CCDC63: variants seen among roughly 807,000 people sequenced by gnomAD.
CCDC63 encodes the protein coiled-coil domain containing 63.
Under a neutral mutation model 63.6 loss-of-function variants are expected in CCDC63, and 54 were observed. The observed-to-expected ratio is 0.85, with a 90% CI of 0.68 to 1.07. The LOEUF (loss-of-function observed/expected upper bound fraction) is 1.07, where lower values mean the gene tolerates loss of function less well. Among genes scored for constraint, CCDC63 ranks in the 50% least tolerant of loss-of-function variants. The probability of loss-of-function intolerance (pLI) is 0.00; values close to 1 mark genes in which losing one functional copy is unlikely to be tolerated. For synonymous variants in CCDC63, 253 were observed against 266.1 expected (o/e 0.95, Z 0.48); for missense variants, 637 against 689.6 (o/e 0.92, Z 0.86).
At chr12:110,893,354 T>A (rs989659811) in intron 9 of CCDC63, among the ~76,000 whole-genome samples, 1 of 152,158 alleles carries the variant, frequency 6.6e-6, no homozygotes, top group African/African-American at 2.4e-5. Flanking sequence ...TGCTACAATG[T>A]CATTGTGGAA....
At chr12:110,872,517 G>A (rs1257674710) in intron 4 of CCDC63, among the ~76,000 whole-genome samples, 1 of 152,174 alleles carries the variant, frequency 6.6e-6, no homozygotes, top group Non-Finnish European at 1.5e-5. Flanking sequence ...CAAACAAATC[G>A]AAGAATAATC....
intron 10 of CCDC63, among the ~76,000 whole-genome samples, chr12:110,900,693 T>TG (rs1282295353): frequency 6.6e-6 from 1 of 151,628 alleles, no homozygotes; most frequent in Non-Finnish European, 1.5e-5. Context: ...TCTGACTCCC[T>TG]GGTTCAAGTG....
At chr12:110,858,501 C>G in intron 3 of CCDC63, 85 bp from the exon 4 acceptor site, 3 of 1,230,634 alleles carry the variant, frequency 2.4e-6, no homozygotes, top group Non-Finnish European at 3.4e-6. Context: ...CTCTCCCGGT[C>G]TCCTTGCAGG....
intron 8 of CCDC63, among the ~76,000 whole-genome samples, chr12:110,888,758 C>T (rs1296866203): frequency 6.6e-6 from 1 of 152,018 alleles, no homozygotes; most frequent in Non-Finnish European, 1.5e-5. Context: ...TATTTCCTTC[C>T]AACTTCCAAC....
At chr12:110,859,067 AT>A (rs2070817237) in intron 4 of CCDC63, among the ~76,000 whole-genome samples, 1 of 152,104 alleles carries the variant, frequency 6.6e-6, no homozygotes, top group African/African-American at 2.4e-5. Context: ...AGGCTTGGTT[AT>A]GCTGCAGGAA....
intron 4 of CCDC63, among the ~76,000 whole-genome samples, chr12:110,859,705 A>G (rs1460248754): frequency 6.6e-6 from 1 of 152,084 alleles, no homozygotes; most frequent in Non-Finnish European, 1.5e-5. Flanking sequence ...AAGAGAAAAT[A>G]GTCATGTACG....
chr12:110,895,382 T>G (rs867222010), intron 9 of CCDC63, among the ~76,000 whole-genome samples: 29 of 152,384 alleles, frequency 1.9e-4, no homozygotes, highest in African/African-American at 5.8e-4. Context: ...CCCAAAGTGC[T>G]GGGATTATAG....
At chr12:110,848,182 T>G (rs2070663595) in intron 1 of CCDC63, among the ~76,000 whole-genome samples, 1 of 152,174 alleles carries the variant, frequency 6.6e-6, no homozygotes, top group African/African-American at 2.4e-5. Flanking sequence ...GCTTAGCCAA[T>G]AGGGAGGAGT....
intron 4 of CCDC63, among the ~76,000 whole-genome samples, chr12:110,868,740 GGAGAGGGGGAGGGGA>G (rs1455695376): frequency 3.7e-4 from 42 of 113,658 alleles, no homozygotes; most frequent in South Asian, 2.4e-3. Flanking sequence ...GGAGGGAGAG[GGAGAGGGGGAGGGGA>G]AGGGGGAGGG....
At position 110,885,611 on chromosome 12, in the gene CCDC63, C is replaced by G. The variant is rs2071269517; in HGVS notation, c.1074+1361C>G. 2.0e-5 allele frequency among the ~76,000 whole-genome samples: 3 copies of G among 152,180 alleles called. No individual in the cohort carries two copies. The South Asian group carries it at 6.2e-4, about 32-fold the overall frequency. Reference sequence around the variant, plus strand: ...ATGCATTTCCCTCCGCCACTGCCTTCCCGTGCTATTCCCTCTCCCTCCCCT... The same window carrying G: ...ATGCATTTCCCTCCGCCACTGCCTTGCCGTGCTATTCCCTCTCCCTCCCCT... On this transcript the variant is annotated intron_variant, in intron 8 of 11. Coordinates refer to ENST00000308208, the MANE Select transcript of CCDC63 (RefSeq NM_152591.3).
intron 1 of CCDC63, among the ~76,000 whole-genome samples, chr12:110,852,349 T>C (rs2070714829): frequency 6.6e-6 from 1 of 152,096 alleles, no homozygotes; most frequent in African/African-American, 2.4e-5. Context: ...AATCTTTGCC[T>C]CCAGGGTTCA....
chr12:110,893,212 G>C lies in CCDC63; in HGVS notation c.1149+62G>C. The C allele has an allele frequency of 6.6e-6, 9 of 1,371,916 alleles. No individual in the cohort carries two copies. The South Asian group carries it at 1.1e-4, about 16-fold the overall frequency. The allele number at this position is 1,371,916 out of a possible 1,614,324, so 85.0% of individuals were successfully genotyped here. On this transcript the variant is annotated intron_variant, in intron 9 of 11. Coordinates refer to ENST00000308208, the MANE Select transcript of CCDC63 (RefSeq NM_152591.3). Reference sequence around the variant, plus strand: ...TCTGTTGTCTGTCTCTGTGTCTGACGGGAGCTTCTGTCTGTCTGTCCGTCG... The same window carrying C: ...TCTGTTGTCTGTCTCTGTGTCTGACCGGAGCTTCTGTCTGTCTGTCCGTCG...
At chr12:110,868,730 G>GGAGGGA (rs1253521194) in intron 4 of CCDC63, among the ~76,000 whole-genome samples, 6 of 114,698 alleles carry the variant, frequency 5.2e-5, no homozygotes, top group Non-Finnish European at 9.2e-5. Flanking sequence ...AGAGGGAGAG[G>GGAGGGA]GAGGGAGAGG....
intron 8 of CCDC63, among the ~76,000 whole-genome samples, chr12:110,885,089 A>G (rs2071261740): frequency 6.6e-6 from 1 of 151,954 alleles, no homozygotes; most frequent in Admixed American, 6.6e-5. Flanking sequence ...ATGTTTTATT[A>G]ACCAGCATTC....
intron 7 of CCDC63, among the ~76,000 whole-genome samples, chr12:110,882,754 G>A (rs911719845): frequency 2.0e-5 from 3 of 152,108 alleles, no homozygotes; most frequent in African/African-American, 7.2e-5. Context: ...CAGCTACTGG[G>A]GAGTCTGAGG....
intron 8 of CCDC63, among the ~76,000 whole-genome samples, chr12:110,892,638 T>C (rs1592782289): frequency 6.6e-6 from 1 of 152,056 alleles, no homozygotes; most frequent in Admixed American, 6.6e-5. Context: ...ACCAATATGG[T>C]GAAGCCCCCA....
intron 4 of CCDC63, among the ~76,000 whole-genome samples, chr12:110,867,745 C>T (rs1393025953): frequency 1.1e-4 from 14 of 131,532 alleles, no homozygotes; most frequent in East Asian, 4.2e-4. Flanking sequence ...GCTGGCCAGG[C>T]GGGGGGCTGA....
chr12:110,847,566 GAAA>G (rs60968677), intron 1 of CCDC63, among the ~76,000 whole-genome samples: 1 of 146,800 alleles, frequency 6.8e-6, no homozygotes, highest in Non-Finnish European at 1.5e-5. Flanking sequence ...CTCAAAAAAG[GAAA>G]AAAAAAAAGT....
intron 4 of CCDC63, among the ~76,000 whole-genome samples, chr12:110,867,412 T>C (rs1392237977): frequency 0.011 from 705 of 64,252 alleles, no homozygotes; most frequent in Middle Eastern, 0.026. Context: ...GACCCCCCCA[T>C]CTCCCTCCCG....
Sources: allele counts gnomAD v4.1 joint callset (sites outside exome capture counted in the v4.1 genomes callset), GRCh38; gene constraint gnomAD v4.1.1; transcripts MANE v1.5; gene names NCBI Gene and HGNC (gene_info 2026-07-23, HGNC 2026-07-21).